The following PAM variants were observed in gnomAD, a reference collection of about 807,000 sequenced individuals.
PAM encodes peptidyl-glycine alpha-amidating monooxygenase.
Under a neutral mutation model 122.1 loss-of-function variants are expected in PAM, and 72 were observed. The observed-to-expected ratio is 0.59, with a 90% CI of 0.49 to 0.72. The LOEUF is 0.72. Among genes scored for constraint, PAM ranks in the 30% least tolerant of loss-of-function variants. The pLI, the probability that PAM is intolerant of heterozygous loss-of-function variation, is 0.00. For synonymous variants in PAM, 389 were observed against 404.4 expected (o/e 0.96, Z 0.46); for missense variants, 1,106 against 1,183.7 (o/e 0.93, Z 0.96).
intron 1 of PAM, among the ~76,000 whole-genome samples, chr5:102,856,648 A>G (rs1052960207): frequency 2.6e-5 from 4 of 152,224 alleles, no homozygotes; most frequent in African/African-American, 9.7e-5. Flanking sequence ...GAGCGATTTG[A>G]TGACTAATGG....
At chr5:102,779,924 C>CACATAT (rs775810552) in intron 1 of PAM, among the ~76,000 whole-genome samples, 51 of 85,964 alleles carry the variant, frequency 5.9e-4, no homozygotes, top group Middle Eastern at 0.011. Flanking sequence ...TATATACACA[C>CACATAT]ATATATATAT....
chr5:102,834,867 A>C (rs1425922905), intron 1 of PAM, among the ~76,000 whole-genome samples: 1 of 149,366 alleles, frequency 6.7e-6, no homozygotes, highest in Non-Finnish European at 1.5e-5. Flanking sequence ...GTAAGGTACC[A>C]ACGGCAAATC....
At position 103,028,977 on chromosome 5, in the gene PAM, G is replaced by T. The variant is rs1785809851; in HGVS notation, c.2834G>T (p.Gly945Val). 45 of 1,613,608 alleles carry T rather than the reference G, an allele frequency of 2.8e-5. No individual in the cohort carries two copies. Among genetic ancestry groups the T allele is most frequent in the Non-Finnish European group, 3.8e-5 (45 of 1,179,600 alleles). ...RKGFDRLSTE[G>V]SDQEKEDDGS... is the part of the protein sequence containing the mutation. ...GGGTTTGACCGGCTTAGCACTGAGG[G>T]CAGTGACCAAGAGAAAGAGGATGAT... The change falls in exon 26 of 26, where the codon GGC becomes GTC. Residue 945 changes from glycine to valine, a missense_variant. Transcript: ENST00000438793.
chr5:102,973,177 A>G (rs1410491357), intron 14 of PAM, among the ~76,000 whole-genome samples: 2 of 152,208 alleles, frequency 1.3e-5, no homozygotes, highest in African/African-American at 4.8e-5. Flanking sequence ...AGGAAAAGGA[A>G]GAACTGGTGG....
At chr5:102,893,555 G>A (rs904643367) in intron 3 of PAM, among the ~76,000 whole-genome samples, 1 of 151,764 alleles carries the variant, frequency 6.6e-6, no homozygotes, top group South Asian at 2.1e-4. Flanking sequence ...GTTTCTAAAA[G>A]TCATCTACTT....
intron 3 of PAM, 144 bp from the exon 4 acceptor site, chr5:102,901,212 C>A: frequency 1.8e-6 from 1 of 563,280 alleles, no homozygotes; most frequent in Non-Finnish European, 3.2e-6. Flanking sequence ...CTTAGCCTTT[C>A]CATTAACCTG....
At position 102,899,923 on chromosome 5, in the gene PAM, A is replaced by T. The variant is rs999420235; in HGVS notation, c.211-1433A>T. On this transcript the variant is annotated intron_variant, in intron 3 of 25. Coordinates refer to ENST00000438793, the MANE Select transcript of PAM (RefSeq NM_001177306.2). ...TTGGGAGGAGAAGCAAACTTATTGT[A>T]TCTTTATGACAGGAGGCAGTGGTGT... Among the ~76,000 whole-genome samples the T allele has an allele frequency of 4.0e-5, 6 of 151,630 alleles. No individual in the cohort carries two copies. In the East Asian group the frequency reaches 1.2e-3, roughly 30 times the overall value.
At chr5:102,801,939 C>T (rs996529596) in intron 1 of PAM, among the ~76,000 whole-genome samples, 5 of 150,682 alleles carry the variant, frequency 3.3e-5, no homozygotes, top group African/African-American at 1.2e-4. Context: ...CCACCACGCC[C>T]GGCTAATTTT....
intron 1 of PAM, among the ~76,000 whole-genome samples, chr5:102,814,355 A>G (rs75872638): frequency 0.014 from 2,100 of 152,162 alleles, 54 homozygotes; most frequent in African/African-American, 0.048. Context: ...TATTGCCAAA[A>G]GTCAGTTCTG....
intron 16 of PAM, among the ~76,000 whole-genome samples, chr5:102,995,263 G>T (rs750153617): frequency 6.6e-6 from 1 of 152,112 alleles, no homozygotes; most frequent in Non-Finnish European, 1.5e-5. Context: ...CTACAAAAAA[G>T]AATGTTTCAG....
At chr5:102,780,935 T>C (rs950700972) in intron 1 of PAM, among the ~76,000 whole-genome samples, 4 of 151,444 alleles carry the variant, frequency 2.6e-5, no homozygotes, top group Admixed American at 1.3e-4. Flanking sequence ...TTGGAGGCTG[T>C]TTAGCAGCAT....
intron 16 of PAM, among the ~76,000 whole-genome samples, chr5:102,992,158 GT>G (rs1774272947): frequency 6.6e-6 from 1 of 152,106 alleles, no homozygotes; most frequent in Admixed American, 6.6e-5. Flanking sequence ...TAGCATCTAG[GT>G]AACCAGGATC....
At chr5:102,896,159 C>G (rs1269913819) in intron 3 of PAM, among the ~76,000 whole-genome samples, 3 of 151,664 alleles carry the variant, frequency 2.0e-5, no homozygotes, top group Non-Finnish European at 4.4e-5. Context: ...TGTGAAAGCT[C>G]TAAGACAGCT....
chr5:102,840,661 G>A (rs190380933), intron 1 of PAM, among the ~76,000 whole-genome samples: 3 of 152,090 alleles, frequency 2.0e-5, no homozygotes, highest in South Asian at 2.1e-4. Flanking sequence ...ATATATTTAC[G>A]GGACCTAGCC....
chr5:102,862,062 C>T (rs915909936), intron 1 of PAM, among the ~76,000 whole-genome samples: 3 of 150,948 alleles, frequency 2.0e-5, no homozygotes, highest in Non-Finnish European at 4.4e-5. Context: ...CCCGGCTACT[C>T]GGGAGGCTGA....
chr5:102,923,376 C>T (rs981128780), intron 5 of PAM, among the ~76,000 whole-genome samples: 1 of 152,190 alleles, frequency 6.6e-6, no homozygotes, highest in African/African-American at 2.4e-5. Context: ...CTTTGCTTCC[C>T]ATCCAGGTCA....
chr5:102,968,282 G>T (rs1038475630), intron 14 of PAM, among the ~76,000 whole-genome samples: 13 of 152,300 alleles, frequency 8.5e-5, no homozygotes, highest in Non-Finnish European at 1.9e-4. Context: ...GTACAGAAAA[G>T]ACAGGGAAAC....
At chr5:102,801,533 C>A (rs1580287546) in intron 1 of PAM, among the ~76,000 whole-genome samples, 1 of 152,142 alleles carries the variant, frequency 6.6e-6, no homozygotes, top group African/African-American at 2.4e-5. Context: ...AAACACAGTC[C>A]TGCCTGAATA....
At chr5:102,897,467 G>A (rs569048547) in intron 3 of PAM, among the ~76,000 whole-genome samples, 1 of 151,706 alleles carries the variant, frequency 6.6e-6, no homozygotes, top group African/African-American at 2.4e-5. Context: ...CTATAGTTAA[G>A]CAAATTAATC....
Sources: gnomAD v4.1 joint callset for allele counts (sites outside exome capture counted in the v4.1 genomes callset) on GRCh38, gnomAD v4.1.1 for gene constraint, MANE v1.5 for transcripts, NCBI Gene and HGNC (gene_info 2026-07-23, HGNC 2026-07-21) for gene names.